UGT1A1: variants seen among roughly 807,000 people sequenced by gnomAD.
UGT1A1 encodes UDP glucuronosyltransferase family 1 member A1.
A neutral mutation model predicts 40.6 loss-of-function variants in UGT1A1; 33 were observed. The ratio of observed to expected loss-of-function variants is 0.81; its 90% CI spans 0.62 to 1.09. The LOEUF (loss-of-function observed/expected upper bound fraction) is 1.09, where lower values mean the gene tolerates loss of function less well. Ranked by LOEUF, UGT1A1 falls within the 50% of genes least tolerant of loss-of-function variation. The probability of loss-of-function intolerance (pLI) is 0.00; values close to 1 mark genes in which losing one functional copy is unlikely to be tolerated. For synonymous variants in UGT1A1, 249 were observed against 265.0 expected, an observed-to-expected ratio of 0.94 and a Z score of 0.59; for missense variants, 694 against 671.2, an observed-to-expected ratio of 1.03 and a Z score of -0.38.
intron 1 of UGT1A1, among the ~76,000 whole-genome samples, chr2:233,763,945 G>A (rs1405755046): frequency 6.6e-6 from 1 of 152,190 alleles, no homozygotes; most frequent in Non-Finnish European, 1.5e-5. Context: ...GGAAAGCTTG[G>A]GAGCAGGGAA....
chr2:233,772,462 T>C lies in UGT1A1; in HGVS notation c.1505T>C (p.Val502Ala), dbSNP rs752117935. The C allele has an allele frequency of 6.2e-7, 1 of 1,614,170 alleles. No homozygotes were observed. Among genetic ancestry groups the C allele is most frequent in the South Asian group, 1.1e-5 (1 of 91,082 alleles). ...TTCCTCTTGGCCGTCGTGCTGACAG[T>C]GGCCTTCATCACCTTTAAATGTTGT... is the stretch of plus-strand genomic sequence containing the variant. ...IGFLLAVVLTVAFITFKCCAY... is the reference protein window; with the variant it reads ...IGFLLAVVLTAAFITFKCCAY... Residue 502 changes from valine to alanine, a missense_variant, in exon 5 of 5, where the codon GTG becomes GCG. Physicochemically the swap from Val to Ala is moderately conservative, Grantham distance 64. Transcript: ENST00000305208.
At chr2:233,762,598 T>C (rs903275038) in intron 1 of UGT1A1, among the ~76,000 whole-genome samples, 9 of 152,226 alleles carry the variant, frequency 5.9e-5, no homozygotes, top group Admixed American at 2.6e-4. Context: ...CAATTTGTAT[T>C]CCAGGAGTTT....
At chr2:233,770,116 A>G (rs557135570) in intron 4 of UGT1A1, 1 of 152,452 alleles carries the variant, frequency 6.6e-6, no homozygotes, top group Admixed American at 6.5e-5. Flanking sequence ...CCTAAGAACA[A>G]CTTGGTGAAA....
At chr2:233,765,166 G>T (rs1228376175) in intron 1 of UGT1A1, among the ~76,000 whole-genome samples, 1 of 152,128 alleles carries the variant, frequency 6.6e-6, no homozygotes, top group Non-Finnish European at 1.5e-5. Flanking sequence ...CCCTCAGTTT[G>T]GGCAAGCCCT....
intron 4 of UGT1A1, chr2:233,771,316 C>G (rs936355212): frequency 6.6e-6 from 1 of 152,132 alleles, no homozygotes; most frequent in Non-Finnish European, 1.5e-5. Context: ...TTTCCCTCTC[C>G]TCTTCAATCT....
At chr2:233,765,607 G>A (rs1299491644) in intron 1 of UGT1A1, among the ~76,000 whole-genome samples, 2 of 151,978 alleles carry the variant, frequency 1.3e-5, no homozygotes, top group African/African-American at 4.8e-5. Context: ...GGCTTGTGGC[G>A]GGGTGAGGGG....
At position 233,772,434 on chromosome 2, in the gene UGT1A1, G is replaced by A; in HGVS notation, c.1477G>A (p.Gly493Ser). The change falls in exon 5 of 5, where the codon GGT (glycine) becomes AGT (serine). Residue 493 changes from glycine to serine, a missense_variant. Physicochemically the swap from Gly to Ser is moderately conservative, Grantham distance 56 (BLOSUM62 0). Coordinates refer to ENST00000305208, the MANE Select transcript of UGT1A1 (RefSeq NM_000463.3). ...CCAGTACCATTCCTTGGACGTGATT[G>A]GTTTCCTCTTGGCCGTCGTGCTGAC... ...WYQYHSLDVI[G>S]FLLAVVLTVA... The A allele has an allele frequency of 1.2e-6, 2 of 1,614,176 alleles. No individual in the cohort carries two copies. Among genetic ancestry groups the A allele is most frequent in the Non-Finnish European group, 1.7e-6 (2 of 1,180,036 alleles).
rs558770255 is a variant in UGT1A1, at chr2:233,763,535, G to A, written c.864+2384G>A. Among the ~76,000 whole-genome samples the A allele has an allele frequency of 7.2e-5, 11 of 152,022 alleles. No homozygotes were observed. The East Asian group carries it at 9.7e-4, about 13-fold the overall frequency. ...TTGACTTTGCCATTCTCCTTTTTCC[G>A]GATTTCTACTGGTTGGTCAAGTTAC... On this transcript the variant is annotated intron_variant, in intron 1 of 4. Coordinates refer to ENST00000305208, the MANE Select transcript of UGT1A1 (RefSeq NM_000463.3).
rs760289864 is a variant in UGT1A1 at position 233,772,449 on chromosome 2, G to A, written c.1492G>A (p.Val498Ile). 8 of 1,614,068 alleles carry A rather than the reference G, an allele frequency of 5.0e-6. No homozygotes were observed. Among genetic ancestry groups the A allele is most frequent in the Middle Eastern group, 1.6e-4 (1 of 6,084 alleles). Residue 498 changes from valine (V) to isoleucine (I), a missense_variant, in exon 5 of 5, where the codon GTC becomes ATC. Physicochemically the swap from Val to Ile is conservative, Grantham distance 29 (BLOSUM62 3). Transcript: ENST00000305208. ...GGACGTGATTGGTTTCCTCTTGGCCGTCGTGCTGACAGTGGCCTTCATCAC... is the reference window on the plus strand; with the variant it reads ...GGACGTGATTGGTTTCCTCTTGGCCATCGTGCTGACAGTGGCCTTCATCAC... ...SLDVIGFLLA[V>I]VLTVAFITFK...
intron 3 of UGT1A1, 29 bp downstream of exon 3, chr2:233,767,965 C>T: frequency 3.1e-6 from 5 of 1,614,098 alleles, no homozygotes; most frequent in Non-Finnish European, 4.2e-6. Context: ...ATGTATAGGT[C>T]AAACCAGGGT....
rs1218307967 is a variant in UGT1A1 at position 233,768,238 on chromosome 2, C to G, written c.1103C>G (p.Ala368Gly). 1.2e-6 allele frequency: 2 copies of G among 1,614,074 alleles called. No homozygotes were observed. The highest frequency in any genetic ancestry group is 1.6e-4 in the Middle Eastern group (1 of 6,084). The change falls in exon 4 of 5, where the codon GCC becomes GGC. Residue 368 changes from alanine (A) to glycine (G), a missense_variant. Coordinates refer to ENST00000305208, the MANE Select transcript of UGT1A1 (RefSeq NM_000463.3). ...NDLLGHPMTR[A>G]FITHAGSHGV... Reference sequence around the variant, plus strand: ...ATCTCAGGTCACCCGATGACCCGTGCCTTTATCACCCATGCTGGTTCCCAT... The same window carrying G: ...ATCTCAGGTCACCCGATGACCCGTGGCTTTATCACCCATGCTGGTTCCCAT...
chr2:233,772,314 G>C lies in UGT1A1; in HGVS notation c.1357G>C (p.Glu453Gln), dbSNP rs1312404188. 1.9e-6 allele frequency: 3 copies of C among 1,614,222 alleles called. No homozygotes were observed. In the East Asian group the frequency reaches 6.7e-5, roughly 36 times the overall value. The change falls in exon 5 of 5, where the codon GAG becomes CAG. Residue 453 changes from glutamate (E) to glutamine (Q), a missense_variant. Coordinates refer to ENST00000305208, the MANE Select transcript of UGT1A1 (RefSeq NM_000463.3). ...LSSLHKDRPV[E>Q]PLDLAVFWVE... Reference sequence around the variant, plus strand: ...CAGCCTTCACAAGGACCGCCCGGTGGAGCCGCTGGACCTGGCCGTGTTCTG... The same window carrying C: ...CAGCCTTCACAAGGACCGCCCGGTGCAGCCGCTGGACCTGGCCGTGTTCTG...
In UGT1A1 at chr2:233,769,705, G is replaced by T. The variant is rs1699921958; in HGVS notation, c.1304+1266G>T. Reference sequence around the variant, plus strand: ...TGGTGGCACTGGATAAAAGATCAATGTTGGCTAGGCACCATGGCACACGCC... The same window carrying T: ...TGGTGGCACTGGATAAAAGATCAATTTTGGCTAGGCACCATGGCACACGCC... On this transcript the variant is annotated intron_variant, in intron 4 of 4. Transcript: ENST00000305208. This position sits in a 1 kb window ranked among gnomAD's most constrained non-coding sequence, Gnocchi z 4.4. The T allele has an allele frequency of 6.6e-7, 1 of 1,517,524 alleles. No homozygotes were observed. Among genetic ancestry groups the T allele is most frequent in the African/African-American group, 1.4e-5 (1 of 73,038 alleles). The allele number at this position is 1,517,524 out of a possible 1,614,324, so 94.0% of individuals were successfully genotyped here. A position where few individuals can be genotyped will look rare whatever the true frequency, so the allele number is the denominator to read the frequency against.
chr2:233,767,781 T>C (rs1559414457), intron 2 of UGT1A1, 68 bp from the exon 3 acceptor site: 3 of 1,613,388 alleles, frequency 1.9e-6, no homozygotes, highest in East Asian at 2.2e-5. Context: ...TTCTAGTTAG[T>C]ATAGCAGATT....
chr2:233,767,305 GT>G (rs1444114295), intron 2 of UGT1A1, 140 bp downstream of exon 2: 24 of 1,519,088 alleles, frequency 1.6e-5, no homozygotes, highest in Middle Eastern at 1.8e-4. Context: ...TAATCCAAAG[GT>G]TTTTTTTGTT....
chr2:233,762,815 T>C (rs1334118608), intron 1 of UGT1A1, among the ~76,000 whole-genome samples: 4 of 152,182 alleles, frequency 2.6e-5, no homozygotes, highest in Non-Finnish European at 5.9e-5. Flanking sequence ...ATCAAAATAT[T>C]GATTTTCATA....
intron 1 of UGT1A1, among the ~76,000 whole-genome samples, chr2:233,765,711 T>TTAATAATAA (rs10664358): frequency 0.012 from 1,790 of 149,272 alleles, 15 homozygotes; most frequent in Middle Eastern, 0.045. Context: ...ATAATAATAA[T>TTAATAATAA]TAATAATAAT....
In UGT1A1 at chr2:233,772,395, G is replaced by A. The variant is rs751579554; in HGVS notation, c.1438G>A (p.Asp480Asn). 90 of 1,614,226 alleles carry A rather than the reference G, an allele frequency of 5.6e-5. 1 individual carries two copies. The highest frequency in any genetic ancestry group is 1.6e-4 in the Middle Eastern group (1 of 6,062). ...GAPHLRPAAH[D>N]LTWYQYHSLD... ...GCCACACCTGCGCCCCGCAGCCCAC[G>A]ACCTCACCTGGTACCAGTACCATTC... Residue 480 changes from aspartate (D) to asparagine (N), a missense_variant, in exon 5 of 5, where the codon GAC becomes AAC. Coordinates refer to ENST00000305208, the MANE Select transcript of UGT1A1 (RefSeq NM_000463.3).
Position 233,768,229 on chromosome 2 carries a change from T to C in UGT1A1, c.1094T>C (p.Met365Thr), listed in dbSNP as rs371224646. ...CTATTTTGCATCTCAGGTCACCCGATGACCCGTGCCTTTATCACCCATGCT... is the reference window on the plus strand; with the variant it reads ...CTATTTTGCATCTCAGGTCACCCGACGACCCGTGCCTTTATCACCCATGCT... Reference protein sequence around the residue: ...LPQNDLLGHPMTRAFITHAGS... With the variant: ...LPQNDLLGHPTTRAFITHAGS... Residue 365 changes from methionine to threonine, a missense_variant, in exon 4 of 5, where the codon ATG (methionine) becomes ACG (threonine). Coordinates refer to ENST00000305208, the MANE Select transcript of UGT1A1 (RefSeq NM_000463.3). 3.1e-6 allele frequency: 5 copies of C among 1,614,112 alleles called. No homozygotes were observed. The highest frequency in any genetic ancestry group is 4.2e-6 in the Non-Finnish European group (5 of 1,180,052).
Sources: gnomAD v4.1 joint callset for allele counts (sites outside exome capture counted in the v4.1 genomes callset) on GRCh38, gnomAD v4.1.1 for gene constraint, Gnocchi (gnomAD v3.1) non-coding constraint, MANE v1.5 for transcripts, NCBI Gene and HGNC (gene_info 2026-07-23, HGNC 2026-07-21) for gene names.